Variants in MINDY3 observed in about 807,000 individuals in gnomAD.
The protein encoded by MINDY3 is ubiquitin carboxyl-terminal hydrolase MINDY-3.
In MINDY3, 38 loss-of-function variants were observed where a neutral mutation model predicts 69.2. That is an observed-to-expected ratio of 0.55 (90% CI 0.42 to 0.72). The LOEUF (loss-of-function observed/expected upper bound fraction) is 0.72, where lower values mean the gene tolerates loss of function less well. MINDY3 is among the 30% of genes least tolerant of loss of function. The pLI is 0.00. For synonymous variants in MINDY3, 192 were observed against 180.1 expected (o/e 1.07, Z -0.53); for missense variants, 522 against 519.0 (o/e 1.01, Z -0.06).
intron 13 of MINDY3, 129 bp downstream of exon 13, chr10:15,786,426 GTTTCCA>G: frequency 1.6e-6 from 1 of 633,826 alleles, no homozygotes; most frequent in South Asian, 1.9e-5. Context: ...GTCTGGGAAG[GTTTCCA>G]TGTAACGGTG....
chr10:15,851,758 A>G (rs1834316366), intron 1 of MINDY3, among the ~76,000 whole-genome samples: 1 of 152,084 alleles, frequency 6.6e-6, no homozygotes, highest in Non-Finnish European at 1.5e-5. Flanking sequence ...GCCAGAAAGT[A>G]TTTTAGAAAT....
intron 9 of MINDY3, chr10:15,817,522 A>T (rs1839457153): frequency 6.6e-6 from 1 of 152,246 alleles, no homozygotes; most frequent in African/African-American, 2.4e-5. Flanking sequence ...TCAAGGTTAC[A>T]TAATCTGTGA....
At chr10:15,811,613 G>T (rs184053480) in intron 10 of MINDY3, among the ~76,000 whole-genome samples, 3 of 152,060 alleles carry the variant, frequency 2.0e-5, no homozygotes, top group African/African-American at 7.2e-5. Flanking sequence ...CATGAAAAAT[G>T]AATAGAACTC....
intron 10 of MINDY3, among the ~76,000 whole-genome samples, chr10:15,816,313 A>C (rs1243196614): frequency 6.6e-6 from 1 of 151,766 alleles, no homozygotes; most frequent in Non-Finnish European, 1.5e-5. Flanking sequence ...AGACAAGAAA[A>C]GAAATATTCA....
At chr10:15,829,656 A>G (rs1840324545) in intron 8 of MINDY3, among the ~76,000 whole-genome samples, 1 of 152,224 alleles carries the variant, frequency 6.6e-6, no homozygotes, top group African/African-American at 2.4e-5. Context: ...GACGTGTAAA[A>G]TAAAATCATT....
At chr10:15,783,537 T>C (rs1451568183) in intron 13 of MINDY3, among the ~76,000 whole-genome samples, 1 of 152,138 alleles carries the variant, frequency 6.6e-6, no homozygotes, top group Non-Finnish European at 1.5e-5. Context: ...TTCTGTAAAG[T>C]TTTTCCTGGA....
chr10:15,785,974 A>T (rs1168202622), intron 13 of MINDY3, among the ~76,000 whole-genome samples: 2 of 152,192 alleles, frequency 1.3e-5, no homozygotes, highest in Admixed American at 1.3e-4. Context: ...TGCTTCACTT[A>T]GAGAACAAAG....
At position 15,841,483 on chromosome 10, in the gene MINDY3, C is replaced by T; in HGVS notation, c.352G>A (p.Glu118Lys). The change falls in exon 4 of 15, where the codon GAA (glutamate) becomes AAA (lysine). Residue 118 changes from glutamate (E) to lysine (K), a missense_variant. Coordinates refer to ENST00000277632, the MANE Select transcript of MINDY3 (RefSeq NM_024948.4). ...GGACTCCCAGAAATACTAGCAGTTTCCTCAGTTGTCTTTCCTCTTAACCAT... is the reference window on the plus strand; with the variant it reads ...GGACTCCCAGAAATACTAGCAGTTTTCTCAGTTGTCTTTCCTCTTAACCAT... ...VSWLRGKTTEETASISGSPAE... is the reference protein window; with the variant it reads ...VSWLRGKTTEKTASISGSPAE... 1 of 1,611,988 alleles carries T rather than the reference C, an allele frequency of 6.2e-7. No homozygotes were observed. Among genetic ancestry groups the T allele is most frequent in the Non-Finnish European group, 8.5e-7 (1 of 1,178,574 alleles).
chr10:15,783,125 A>G (rs546242863), intron 13 of MINDY3, among the ~76,000 whole-genome samples: 1 of 152,294 alleles, frequency 6.6e-6, no homozygotes, highest in African/African-American at 2.4e-5. Context: ...CTCCTACAGA[A>G]AGATAGGCTG....
chr10:15,831,382 C>T (rs1223234886), intron 8 of MINDY3, among the ~76,000 whole-genome samples: 1 of 152,104 alleles, frequency 6.6e-6, no homozygotes, highest in Non-Finnish European at 1.5e-5. Flanking sequence ...GTATTTTTCT[C>T]ATTTTTAAGT....
At position 15,841,600 on chromosome 10, in the gene MINDY3, C is replaced by T. The variant is rs1372628380; in HGVS notation, c.236-1G>A. 1 of 1,593,320 alleles carries T rather than the reference C, an allele frequency of 6.3e-7. No homozygotes were observed. Among genetic ancestry groups the T allele is most frequent in the South Asian group, 1.1e-5 (1 of 87,762 alleles). On this transcript the variant is annotated splice_acceptor_variant, in intron 3 of 14. Coordinates refer to ENST00000277632, the MANE Select transcript of MINDY3 (RefSeq NM_024948.4). LOFTEE classifies it high-confidence loss of function. ...CAAAGGAGTTCCTTCTGCTCTTCCT[C>T]TAAAAATAACCAAAGCATAAGTTAT...
chr10:15,824,456 T>C (rs758558811), intron 8 of MINDY3, among the ~76,000 whole-genome samples: 1 of 152,178 alleles, frequency 6.6e-6, no homozygotes, highest in South Asian at 2.1e-4. Context: ...TGAAAAACAT[T>C]GATTATTTGC....
At chr10:15,802,846 C>T (rs1235437726) in intron 10 of MINDY3, among the ~76,000 whole-genome samples, 1 of 151,874 alleles carries the variant, frequency 6.6e-6, no homozygotes, top group Non-Finnish European at 1.5e-5. Context: ...CTTTTGGTCT[C>T]AGTCATATAC....
At chr10:15,819,396 G>A (rs943782478) in intron 9 of MINDY3, among the ~76,000 whole-genome samples, 1 of 152,132 alleles carries the variant, frequency 6.6e-6, no homozygotes, top group African/African-American at 2.4e-5. Context: ...CCTGGCTAGA[G>A]GCCAGTCATT....
intron 8 of MINDY3, among the ~76,000 whole-genome samples, chr10:15,832,447 A>AT (rs11410031): frequency 0.13 from 19,632 of 150,910 alleles, 2,947 homozygotes; most frequent in African/African-American, 0.37. Flanking sequence ...CTGAAATGAG[A>AT]TTTTTTTTTT....
chr10:15,808,257 T>G (rs1458507688), intron 10 of MINDY3, among the ~76,000 whole-genome samples: 3 of 152,168 alleles, frequency 2.0e-5, no homozygotes. Flanking sequence ...CTTTCTGTAT[T>G]AGATGAGGCA....
chr10:15,806,062 G>T (rs576089739), intron 10 of MINDY3, among the ~76,000 whole-genome samples: 1 of 152,242 alleles, frequency 6.6e-6, no homozygotes, highest in Non-Finnish European at 1.5e-5. Context: ...CACAGGATGG[G>T]CTGTTCTCAT....
intron 1 of MINDY3, among the ~76,000 whole-genome samples, chr10:15,856,224 A>G (rs919726470): frequency 1.3e-5 from 2 of 151,972 alleles, no homozygotes; most frequent in African/African-American, 2.4e-5. Context: ...ACGCCTTTAA[A>G]CCTTAAATTA....
At chr10:15,790,539 G>A (rs1052127151) in intron 11 of MINDY3, among the ~76,000 whole-genome samples, 1 of 152,056 alleles carries the variant, frequency 6.6e-6, no homozygotes, top group African/African-American at 2.4e-5. Flanking sequence ...TTTTGCTTAA[G>A]TTAAGTCATA....
Sources: allele counts gnomAD v4.1 joint callset (sites outside exome capture counted in the v4.1 genomes callset), GRCh38; gene constraint gnomAD v4.1.1; transcripts MANE v1.5; gene names NCBI Gene and HGNC (gene_info 2026-07-23, HGNC 2026-07-21).